The following FAM133A variants were observed in gnomAD, a reference collection of about 807,000 sequenced individuals.
FAM133A encodes the protein protein FAM133A.
For missense variants in FAM133A, 159 were observed against 164.4 expected, an observed-to-expected ratio of 0.97 and a Z score of 0.18; for synonymous variants, 65 against 58.6, an observed-to-expected ratio of 1.11 and a Z score of -0.50.
intron 2 of FAM133A, among the ~76,000 whole-genome samples, chrX:93,693,071 A>G (rs1037281646): frequency 7.2e-5 from 8 of 111,625 alleles, no homozygotes; most frequent in Non-Finnish European, 1.3e-4. Context: ...GGGCTGTAGC[A>G]TAGGAGTTAT....
upstream of FAM133A, chrX:93,673,988 T>TAAAAAAAAAAAAAA (rs946167250): frequency 2.6e-5 from 1 of 38,732 alleles, no homozygotes; most frequent in African/African-American, 1.2e-4. Flanking sequence ...CAAAAAGCTG[T>TAAAAAAAAAAAAAA]AAAAAAAAAA....
At position 93,683,644 on chromosome X, in the gene FAM133A, G is replaced by A. The variant is rs765449829; in HGVS notation, c.-193+8892G>A. 3.6e-5 allele frequency among the ~76,000 whole-genome samples: 4 copies of A among 111,706 alleles called. No individual in the cohort carries two copies. The South Asian group carries it at 1.5e-3, about 42-fold the overall frequency. On this transcript the variant is annotated intron_variant, in intron 2 of 3. Coordinates refer to ENST00000683942, the MANE Select transcript of FAM133A (RefSeq NM_001171109.2). ...AGTTCACTACTTAAAGTGTATAAGA[G>A]TTCCCTTTTCTATGCATCATCACCT...
In FAM133A at chrX:93,700,423, T is replaced by C. The variant is rs140722903; in HGVS notation, c.-104+1938T>C. On this transcript the variant is annotated intron_variant, in intron 3 of 3. Coordinates refer to ENST00000683942, the MANE Select transcript of FAM133A (RefSeq NM_001171109.2). ...TGAGTGAATGAATGAATCACCTACA[T>C]TCAGGTTATATATTTTTGCCATCCA... 7.0e-4 allele frequency among the ~76,000 whole-genome samples: 78 copies of C among 111,587 alleles called. No homozygotes were observed. The East Asian group carries it at 0.02, about 28-fold the overall frequency.
At chrX:93,699,018 T>C (rs1306328612) in intron 3 of FAM133A, among the ~76,000 whole-genome samples, 1 of 110,767 alleles carries the variant, frequency 9.0e-6, no homozygotes, top group African/African-American at 3.3e-5. Flanking sequence ...AAGGTTGCAC[T>C]TAGGGAGGGA....
rs189325727 is a variant in FAM133A, at chrX:93,680,615, C to T, written c.-193+5863C>T. Among the ~76,000 whole-genome samples, 269 of 111,314 alleles carry T rather than the reference C, an allele frequency of 2.4e-3. 1 individual carries two copies. Among genetic ancestry groups the T allele is most frequent in the African/African-American group, 8.0e-3 (244 of 30,691 alleles). ...CATATCCTCACCAACACTTACCTTT[C>T]GTCTTTTTGATAATAGCTGTCCTAA... On this transcript the variant is annotated intron_variant, in intron 2 of 3. Transcript: ENST00000683942.
At chrX:93,688,122 C>T (rs913545592) in intron 2 of FAM133A, among the ~76,000 whole-genome samples, 3 of 109,710 alleles carry the variant, frequency 2.7e-5, no homozygotes, top group Admixed American at 1.9e-4. Flanking sequence ...AATATAGATA[C>T]ATCTTTGATA....
chrX:93,680,839 A>T (rs2147587658), intron 2 of FAM133A, among the ~76,000 whole-genome samples: 1 of 111,828 alleles, frequency 8.9e-6, no homozygotes, highest in African/African-American at 3.2e-5. Flanking sequence ...TTGAATATTT[A>T]ACTCCTTATC....
chrX:93,694,281 A>T (rs1403879317), intron 2 of FAM133A, among the ~76,000 whole-genome samples: 6 of 111,228 alleles, frequency 5.4e-5, no homozygotes, highest in Non-Finnish European at 1.1e-4. Context: ...ACAATGAAAA[A>T]CTTCTGCCAT....
intron 2 of FAM133A, among the ~76,000 whole-genome samples, 200 bp from the exon 3 acceptor site, chrX:93,698,197 A>T (rs1427736135): frequency 9.0e-6 from 1 of 111,611 alleles, no homozygotes; most frequent in Non-Finnish European, 1.9e-5. Flanking sequence ...TAATGTTAAG[A>T]AAGTGCTAAT....
chrX:93,695,955 T>G, intron 2 of FAM133A, among the ~76,000 whole-genome samples: 1 of 111,549 alleles, frequency 9.0e-6, no homozygotes, highest in Non-Finnish European at 1.9e-5. Flanking sequence ...GGAATCTGCA[T>G]TTTTAAACTT....
rs190224385 is a variant in FAM133A at position 93,688,373 on chromosome X, C to A, written c.-192-10024C>A. On this transcript the variant is annotated intron_variant, in intron 2 of 3. Coordinates refer to ENST00000683942, the MANE Select transcript of FAM133A (RefSeq NM_001171109.2). ...AGACTTAGCTCTCCTTTCACTGGTC[C>A]CCGAATCACTGATTTTCTGTTTCCT... Among the ~76,000 whole-genome samples the A allele has an allele frequency of 1.3e-3, 149 of 110,576 alleles. 1 individual carries two copies. The highest frequency in any genetic ancestry group is 4.7e-3 in the African/African-American group (143 of 30,487).
At chrX:93,689,994 G>T (rs1187192470) in intron 2 of FAM133A, among the ~76,000 whole-genome samples, 2 of 109,452 alleles carry the variant, frequency 1.8e-5, no homozygotes. Flanking sequence ...GTTAACTTTT[G>T]CCAGGAGTAG....
At chrX:93,690,102 T>C (rs759701187) in intron 2 of FAM133A, among the ~76,000 whole-genome samples, 39 of 110,198 alleles carry the variant, frequency 3.5e-4, no homozygotes, top group African/African-American at 1.2e-3. Flanking sequence ...AGAGTGTTAG[T>C]ATAGAAGTAG....
intron 2 of FAM133A, among the ~76,000 whole-genome samples, chrX:93,676,655 T>C (rs1366452344): frequency 9.2e-5 from 10 of 108,879 alleles, no homozygotes; most frequent in African/African-American, 3.3e-4. Flanking sequence ...GTTTTTTGGA[T>C]GCTTTTCAAG....
chrX:93,697,330 G>T lies in FAM133A; in HGVS notation c.-192-1067G>T, dbSNP rs1313639284. ...AACTTTTTAATCTCAGGATTCCTTT[G>T]CACTGTTACAAATTACCAAGAACCT... is the stretch of plus-strand genomic sequence containing the variant. On this transcript the variant is annotated intron_variant, in intron 2 of 3. Transcript: ENST00000683942. Among the ~76,000 whole-genome samples, 10 of 109,561 alleles carry T rather than the reference G, an allele frequency of 9.1e-5. No homozygotes were observed. In the Admixed American group the frequency reaches 9.8e-4, roughly 11 times the overall value.
At position 93,681,711 on chromosome X, in the gene FAM133A, C is replaced by T. The variant is rs141922197; in HGVS notation, c.-193+6959C>T. On this transcript the variant is annotated intron_variant, in intron 2 of 3. Transcript: ENST00000683942. ...TTCATTACTTTGATTTAGCAACTGT[C>T]TTAAAACAGGTGTAAACAAAATTTT... Among the ~76,000 whole-genome samples, 456 of 111,816 alleles carry T rather than the reference C, an allele frequency of 4.1e-3. 2 individuals carry two copies. Among genetic ancestry groups the T allele is most frequent in the African/African-American group, 0.015 (449 of 30,897 alleles).
chrX:93,695,761 C>A (rs1926209392), intron 2 of FAM133A, among the ~76,000 whole-genome samples: 1 of 105,400 alleles, frequency 9.5e-6, no homozygotes, highest in South Asian at 4.4e-4. Flanking sequence ...CCTGCCTCAG[C>A]CTCCCGAGTA....
At chrX:93,686,091 G>A (rs774657643) in intron 2 of FAM133A, among the ~76,000 whole-genome samples, 96 of 74,624 alleles carry the variant, frequency 1.3e-3, no homozygotes, top group African/African-American at 5.0e-3. Flanking sequence ...CAGGGTGACA[G>A]AGTGAGACTC....
At chrX:93,688,202 T>C (rs910420628) in intron 2 of FAM133A, among the ~76,000 whole-genome samples, 7 of 109,388 alleles carry the variant, frequency 6.4e-5, no homozygotes, top group Admixed American at 5.9e-4. Flanking sequence ...TGCTGGATCA[T>C]ATGGTAGTTC....
Sources: gnomAD v4.1 joint callset for allele counts (sites outside exome capture counted in the v4.1 genomes callset) on GRCh38, gnomAD v4.1.1 for gene constraint, MANE v1.5 for transcripts, NCBI Gene and HGNC (gene_info 2026-07-23, HGNC 2026-07-21) for gene names.